Variants in CABLES1 observed in about 807,000 individuals in gnomAD.
CABLES1 encodes the protein Cdk5 and Abl enzyme substrate 1.
In CABLES1, 36 loss-of-function variants were observed where a neutral mutation model predicts 57.8. The observed-to-expected ratio is 0.62, with a 90% confidence interval of 0.48 to 0.82. The LOEUF is 0.82. Among genes scored for constraint, CABLES1 ranks in the 40% least tolerant of loss-of-function variants. The pLI, the probability that CABLES1 is intolerant of heterozygous loss-of-function variation, is 0.00. For missense variants in CABLES1, 767 were observed against 836.6 expected (o/e 0.92, Z 1.03); for synonymous variants, 374 against 363.0 (o/e 1.03, Z -0.35).
At chr18:23,140,497 C>T (rs190271791) in intron 1 of CABLES1, among the ~76,000 whole-genome samples, 11 of 149,712 alleles carry the variant, frequency 7.3e-5, no homozygotes, top group East Asian at 2.0e-4. Context: ...AGTGCAGTGG[C>T]GCCATCGCGG....
intron 1 of CABLES1, among the ~76,000 whole-genome samples, chr18:23,145,006 G>A (rs1362376031): frequency 6.6e-6 from 1 of 151,476 alleles, no homozygotes; most frequent in Non-Finnish European, 1.5e-5. Context: ...CGCAATCTCG[G>A]CTCACTGCAA....
At chr18:23,174,040 A>G (rs1302770596) in intron 1 of CABLES1, among the ~76,000 whole-genome samples, 2 of 152,204 alleles carry the variant, frequency 1.3e-5, no homozygotes, top group East Asian at 1.9e-4. Flanking sequence ...TGTCACCACT[A>G]TCTAATTTTA....
At chr18:23,231,628 G>A (rs1049258869) in intron 4 of CABLES1, among the ~76,000 whole-genome samples, 12 of 152,194 alleles carry the variant, frequency 7.9e-5, no homozygotes, top group Admixed American at 2.0e-4. Flanking sequence ...AGCCTTGCCC[G>A]TCTTTCTTGT....
intron 7 of CABLES1, among the ~76,000 whole-genome samples, chr18:23,250,390 A>G (rs2048008820): frequency 6.6e-6 from 1 of 152,172 alleles, no homozygotes; most frequent in African/African-American, 2.4e-5. Flanking sequence ...TGACTTGGGA[A>G]ACAGGAGGGT....
intron 4 of CABLES1, chr18:23,214,770 G>T (rs752223111): frequency 2.6e-5 from 4 of 152,210 alleles, no homozygotes; most frequent in Admixed American, 2.0e-4. Flanking sequence ...AGCATCATGG[G>T]ATGTTGGCTG....
intron 7 of CABLES1, among the ~76,000 whole-genome samples, chr18:23,242,833 C>T (rs2047769405): frequency 6.6e-6 from 1 of 152,122 alleles, no homozygotes; most frequent in South Asian, 2.1e-4. Context: ...AGAGAAAGCC[C>T]TCCCTCTACC....
chr18:23,190,998 C>CT (rs1568061040), intron 2 of CABLES1, among the ~76,000 whole-genome samples: 1 of 144,424 alleles, frequency 6.9e-6, no homozygotes. Flanking sequence ...AACCCCAGCA[C>CT]TTTGAGAGGT....
intron 2 of CABLES1, among the ~76,000 whole-genome samples, chr18:23,194,053 G>A (rs116811552): frequency 3.5e-4 from 53 of 152,224 alleles, no homozygotes; most frequent in African/African-American, 1.2e-3. Context: ...TGAATTTTCC[G>A]ATGTTTCCCT....
intron 7 of CABLES1, among the ~76,000 whole-genome samples, chr18:23,245,088 C>A (rs776563692): frequency 6.6e-6 from 1 of 152,122 alleles, no homozygotes; most frequent in Non-Finnish European, 1.5e-5. Flanking sequence ...TCCCGTTATA[C>A]CCCAGCCCAC....
chr18:23,158,293 C>A (rs1346256374), intron 1 of CABLES1, among the ~76,000 whole-genome samples: 1 of 152,074 alleles, frequency 6.6e-6, no homozygotes, highest in Non-Finnish European at 1.5e-5. Flanking sequence ...CAGAGCAAGA[C>A]CCTGTCTCAA....
At chr18:23,175,657 C>T (rs1449118815) in intron 1 of CABLES1, among the ~76,000 whole-genome samples, 1 of 152,276 alleles carries the variant, frequency 6.6e-6, no homozygotes, top group East Asian at 1.9e-4. Flanking sequence ...CCATGTTGCC[C>T]AGGCTGGTCT....
At chr18:23,209,206 T>G (rs911252842) in intron 3 of CABLES1, among the ~76,000 whole-genome samples, 12 of 152,190 alleles carry the variant, frequency 7.9e-5, no homozygotes, top group African/African-American at 2.2e-4. Context: ...CAGCCCTTGG[T>G]CCAGCATATC....
chr18:23,145,670 A>G (rs1257608144), intron 1 of CABLES1, among the ~76,000 whole-genome samples: 3 of 152,166 alleles, frequency 2.0e-5, no homozygotes, highest in East Asian at 1.9e-4. Context: ...ATCATTAGCT[A>G]TTACCCTGTT....
At chr18:23,203,469 A>AG (rs2047340716) in intron 3 of CABLES1, among the ~76,000 whole-genome samples, 2 of 151,886 alleles carry the variant, frequency 1.3e-5, no homozygotes, top group East Asian at 1.9e-4. Context: ...AAAAAAAAAA[A>AG]AAAGAAAGAA....
At chr18:23,232,316 CTGGCTT>C (rs886261973) in intron 4 of CABLES1, among the ~76,000 whole-genome samples, 4 of 152,224 alleles carry the variant, frequency 2.6e-5, no homozygotes, top group Admixed American at 2.6e-4. Context: ...ACCATGCTTG[CTGGCTT>C]TGGCTTTGGA....
chr18:23,151,199 T>C (rs955446341), intron 1 of CABLES1, among the ~76,000 whole-genome samples: 1 of 152,088 alleles, frequency 6.6e-6, no homozygotes, highest in Non-Finnish European at 1.5e-5. Context: ...TTGTATTTTT[T>C]AGTAGAGACG....
intron 1 of CABLES1, among the ~76,000 whole-genome samples, chr18:23,170,435 G>A (rs1157255829): frequency 6.6e-6 from 1 of 152,160 alleles, no homozygotes; most frequent in African/African-American, 2.4e-5. Flanking sequence ...TTGGTAGCAG[G>A]GTTGCTTCTG....
intron 1 of CABLES1, among the ~76,000 whole-genome samples, chr18:23,178,010 C>T (rs1369107281): frequency 6.6e-6 from 1 of 152,194 alleles, no homozygotes; most frequent in South Asian, 2.1e-4. Flanking sequence ...GACTTAGATG[C>T]ATAGGGCGCA....
intron 1 of CABLES1, among the ~76,000 whole-genome samples, chr18:23,173,225 C>T (rs1315408465): frequency 6.6e-6 from 1 of 152,184 alleles, no homozygotes; most frequent in African/African-American, 2.4e-5. Flanking sequence ...GCTGAGCGGG[C>T]CCTGCTCTGG....
Sources: gnomAD v4.1 joint callset for allele counts (sites outside exome capture counted in the v4.1 genomes callset) on GRCh38, gnomAD v4.1.1 for gene constraint, MANE v1.5 for transcripts, NCBI Gene and HGNC (gene_info 2026-07-23, HGNC 2026-07-21) for gene names.